The following USP37 variants were observed in gnomAD, a reference collection of about 807,000 sequenced individuals.
USP37 encodes ubiquitin carboxyl-terminal hydrolase 37.
Under a neutral mutation model 124.0 loss-of-function variants are expected in USP37, and 27 were observed. That is an observed-to-expected ratio of 0.22 (90% CI 0.16 to 0.30). The LOEUF (loss-of-function observed/expected upper bound fraction) is 0.30, where lower values mean the gene tolerates loss of function less well. Ranked by LOEUF, USP37 falls within the 10% of genes least tolerant of loss-of-function variation. USP37 has a pLI of 1.00. For missense variants in USP37, 889 were observed against 1,140.4 expected, an observed-to-expected ratio of 0.78 and a Z score of 3.17; for synonymous variants, 365 against 388.0, an observed-to-expected ratio of 0.94 and a Z score of 0.70.
intron 15 of USP37, among the ~76,000 whole-genome samples, chr2:218,487,509 C>T (rs1357941729): frequency 2.0e-5 from 3 of 152,124 alleles, no homozygotes; most frequent in Non-Finnish European, 4.4e-5. Context: ...CAACCTCCCA[C>T]TCCCAGGTTC....
At chr2:218,474,512 C>A (rs759645934) in intron 20 of USP37, 118 bp downstream of exon 20, 253 of 1,424,744 alleles carry the variant, frequency 1.8e-4, no homozygotes, top group Admixed American at 3.7e-4. Context: ...GGGTCACACA[C>A]CACCATGCTC....
chr2:218,537,689 T>G (rs961638269), intron 8 of USP37, among the ~76,000 whole-genome samples: 2 of 152,208 alleles, frequency 1.3e-5, no homozygotes, highest in African/African-American at 4.8e-5. Context: ...TGGAATTGAC[T>G]GGTTGATGCT....
chr2:218,514,550 C>T (rs1026048605), intron 10 of USP37: 1 of 152,136 alleles, frequency 6.6e-6, no homozygotes, highest in African/African-American at 2.4e-5. Flanking sequence ...TCTATAATGA[C>T]AATGTCTTAT....
chr2:218,488,999 A>G (rs1205773580), intron 14 of USP37, among the ~76,000 whole-genome samples: 3 of 152,168 alleles, frequency 2.0e-5, no homozygotes, highest in African/African-American at 7.2e-5. Flanking sequence ...ATAACATACA[A>G]AAGTGAACCT....
intron 11 of USP37, among the ~76,000 whole-genome samples, chr2:218,509,656 A>G (rs973240854): frequency 4.6e-5 from 7 of 152,108 alleles, no homozygotes; most frequent in Admixed American, 1.3e-4. Context: ...TGTGTTTAAT[A>G]TATATATAAC....
chr2:218,521,985 C>T (rs1456942859), intron 10 of USP37, among the ~76,000 whole-genome samples: 1 of 151,928 alleles, frequency 6.6e-6, no homozygotes, highest in African/African-American at 2.4e-5. Flanking sequence ...AGCGATTCTC[C>T]TACCTTAGCC....
intron 4 of USP37, 61 bp from the exon 5 acceptor site, chr2:218,553,785 G>A: frequency 2.8e-6 from 4 of 1,441,414 alleles, no homozygotes; most frequent in Non-Finnish European, 2.8e-6. Context: ...ATAACAATCT[G>A]TATAATAAAT....
chr2:218,456,627 T>C (rs1420463449), intron 24 of USP37, among the ~76,000 whole-genome samples: 2 of 152,150 alleles, frequency 1.3e-5, no homozygotes, highest in African/African-American at 4.8e-5. Flanking sequence ...ATTAACACAA[T>C]GCACATTGAG....
At chr2:218,504,422 T>C (rs928973165) in intron 11 of USP37, among the ~76,000 whole-genome samples, 1 of 152,180 alleles carries the variant, frequency 6.6e-6, no homozygotes, top group Non-Finnish European at 1.5e-5. Context: ...ATCTAGCCTG[T>C]CCATTTTATT....
At chr2:218,544,426 T>TAGAGAGAGAGAGAG (rs1434695494) in intron 8 of USP37, among the ~76,000 whole-genome samples, 14 of 47,726 alleles carry the variant, frequency 2.9e-4, no homozygotes, top group East Asian at 1.5e-3. Context: ...TATATATATA[T>TAGAGAGAGAGAGAG]ATATAGAGAG....
In USP37 at chr2:218,495,862, G is replaced by A. The variant is rs761428923; in HGVS notation, c.1370C>T (p.Ser457Phe). 2 of 1,613,888 alleles carry A rather than the reference G, an allele frequency of 1.2e-6. No individual in the cohort carries two copies. The highest frequency in any genetic ancestry group is 4.5e-5 in the East Asian group (2 of 44,888). ...AATATCTGGTGAATTTTCTTCTCCA[G>A]AAACAGGTTCAGTCTTCCAAGTTTT... ...LNKTWKTEPV[S>F]GEENSPDISA... is the part of the protein sequence containing the mutation. The change falls in exon 14 of 26, where the codon TCT becomes TTT. Residue 457 changes from serine (S) to phenylalanine (F), a missense_variant. By Grantham distance (155) the Ser-to-Phe change is radical. Around this residue, in one of 3 missense-constraint regions of USP37, gnomAD observed 504 missense variants for 714.3 expected, o/e 0.71. Transcript: ENST00000258399.
At chr2:218,510,204 A>C (rs2106002979) in intron 10 of USP37, 64 bp from the exon 11 acceptor site, 1 of 1,532,372 alleles carries the variant, frequency 6.5e-7, no homozygotes, top group East Asian at 2.3e-5. Flanking sequence ...TTTTCCTTGA[A>C]TAGATTAAGA....
chr2:218,534,842 T>C (rs980439117), intron 8 of USP37, 136 bp from the exon 9 acceptor site: 14 of 459,236 alleles, frequency 3.0e-5, no homozygotes, highest in Non-Finnish European at 4.3e-5. Flanking sequence ...GCTACAAGAT[T>C]GTTAGTCTCA....
At chr2:218,455,476 C>A in intron 25 of USP37, 104 bp downstream of exon 25, 1 of 1,469,218 alleles carries the variant, frequency 6.8e-7, no homozygotes, top group Non-Finnish European at 9.0e-7. Flanking sequence ...AAATTTTCAA[C>A]CAATCAACTG....
chr2:218,482,284 T>A, intron 16 of USP37, 50 bp from the exon 17 acceptor site: 1 of 1,553,482 alleles, frequency 6.4e-7, no homozygotes, highest in Non-Finnish European at 8.7e-7. Flanking sequence ...AATACATGTA[T>A]CTTTCTTACA....
At chr2:218,520,191 C>T (rs1250838584) in intron 10 of USP37, among the ~76,000 whole-genome samples, 1 of 152,132 alleles carries the variant, frequency 6.6e-6, no homozygotes, top group Non-Finnish European at 1.5e-5. Flanking sequence ...ACCCACCCAC[C>T]TCAGCCTCCC....
chr2:218,559,151 C>G (rs1437847553), intron 3 of USP37, among the ~76,000 whole-genome samples: 2 of 151,846 alleles, frequency 1.3e-5, no homozygotes, highest in Non-Finnish European at 2.9e-5. Flanking sequence ...TACAAAAAAA[C>G]TGAAAAAACA....
chr2:218,546,137 A>G (rs916943975), intron 8 of USP37, 84 bp downstream of exon 8: 3 of 1,154,134 alleles, frequency 2.6e-6, no homozygotes, highest in Admixed American at 4.8e-5. Flanking sequence ...AATTAAAACC[A>G]TTTCCCCAAT....
chr2:218,558,714 G>T, intron 3 of USP37, 37 bp from the exon 4 acceptor site: 6 of 1,452,334 alleles, frequency 4.1e-6, no homozygotes, highest in Non-Finnish European at 5.6e-6. Flanking sequence ...TTACCTGGCA[G>T]GTTCTAAGGA....
Sources: allele counts gnomAD v4.1 joint callset (sites outside exome capture counted in the v4.1 genomes callset), GRCh38; gene constraint gnomAD v4.1.1; regional missense constraint gnomAD v4.1.1; transcripts MANE v1.5; gene names NCBI Gene and HGNC (gene_info 2026-07-23, HGNC 2026-07-21).